Variants in RIPOR2 observed in about 807,000 individuals in gnomAD.
RIPOR2 encodes the protein RHO family interacting cell polarization regulator 2.
In RIPOR2, 39 loss-of-function variants were observed where a neutral mutation model predicts 114.5. That is an observed-to-expected ratio of 0.34 (90% CI 0.26 to 0.44). The LOEUF is 0.44. RIPOR2 is among the 20% of genes least tolerant of loss of function. The pLI, the probability that RIPOR2 is intolerant of heterozygous loss-of-function variation, is 1.00. For missense variants in RIPOR2, 1,007 were observed against 1,255.1 expected, an observed-to-expected ratio of 0.80 and a Z score of 2.99; for synonymous variants, 445 against 484.4, an observed-to-expected ratio of 0.92 and a Z score of 1.07.
At chr6:24,834,965 C>T (rs1025063256) in intron 15 of RIPOR2, among the ~76,000 whole-genome samples, 4 of 152,186 alleles carry the variant, frequency 2.6e-5, no homozygotes, top group Admixed American at 6.5e-5. Flanking sequence ...TCCTGTTCCA[C>T]ATACACCCAA....
intron 8 of RIPOR2, among the ~76,000 whole-genome samples, chr6:24,857,081 T>C (rs958603012): frequency 6.6e-6 from 1 of 152,206 alleles, no homozygotes; most frequent in African/African-American, 2.4e-5. Context: ...AATGGCACTA[T>C]CCAGGCACAA....
intron 1 of RIPOR2, among the ~76,000 whole-genome samples, chr6:24,983,428 T>C (rs1340414929): frequency 1.3e-5 from 2 of 152,078 alleles, no homozygotes; most frequent in Non-Finnish European, 2.9e-5. Flanking sequence ...CAGCTAGTTG[T>C]CCCCCAGTAC....
intron 1 of RIPOR2, among the ~76,000 whole-genome samples, chr6:24,956,568 T>G (rs1773053433): frequency 6.6e-6 from 1 of 152,188 alleles, no homozygotes; most frequent in Non-Finnish European, 1.5e-5. Flanking sequence ...ACACGCTAGG[T>G]AGTTGTAATT....
intron 3 of RIPOR2, 146 bp downstream of exon 3, chr6:24,873,498 G>T (rs45617645): frequency 0.012 from 8,178 of 695,842 alleles, 104 homozygotes; most frequent in African/African-American, 0.044. Flanking sequence ...CCATCTCTGG[G>T]ACTTATGTCA....
At chr6:24,908,926 T>A (rs1312452559) in intron 1 of RIPOR2, among the ~76,000 whole-genome samples, 2 of 152,214 alleles carry the variant, frequency 1.3e-5, no homozygotes, top group Admixed American at 6.5e-5. Context: ...AGCTTGGTAT[T>A]TCTTTTTATT....
In RIPOR2 at chr6:24,877,254, A is replaced by G. The variant is rs76027911; in HGVS notation, c.62-1437T>C. 1.9e-3 allele frequency: 1,828 copies of G among 985,378 alleles called. 11 individuals are homozygous for G. The African/African-American group carries it at 0.028, about 15-fold the overall frequency. 61.0% of individuals were successfully genotyped at this position (985,378 alleles called of 1,614,324 possible). ...TTGAGCGAGTTACTTCCCCAGAGAG[A>G]GAAGGACAAACAGCCTCCTCCCCCA... On this transcript the variant is annotated intron_variant, in intron 1 of 21. Coordinates refer to ENST00000643898, the MANE Select transcript of RIPOR2 (RefSeq NM_001286445.3).
intron 1 of RIPOR2, among the ~76,000 whole-genome samples, chr6:24,917,049 C>T (rs911168953): frequency 6.6e-6 from 1 of 152,112 alleles, no homozygotes; most frequent in Admixed American, 6.6e-5. Flanking sequence ...TTGGATTTCT[C>T]ATATATTATT....
chr6:24,970,538 C>A (rs1167361080), intron 1 of RIPOR2, among the ~76,000 whole-genome samples: 4 of 152,170 alleles, frequency 2.6e-5, no homozygotes, highest in African/African-American at 9.7e-5. Flanking sequence ...TCAGGAGGAA[C>A]CCGAGAATAC....
intron 4 of RIPOR2, among the ~76,000 whole-genome samples, chr6:24,871,291 G>T (rs1336463831): frequency 2.6e-5 from 4 of 152,078 alleles, no homozygotes; most frequent in Non-Finnish European, 5.9e-5. Context: ...ACATAGCAGT[G>T]GCATATGTGT....
intron 1 of RIPOR2, among the ~76,000 whole-genome samples, chr6:25,007,591 T>C (rs1242711545): frequency 6.6e-6 from 1 of 152,128 alleles, no homozygotes; most frequent in Admixed American, 6.5e-5. Context: ...TGTTACTTCA[T>C]TTTCCTTTGG....
At chr6:24,980,390 C>T (rs1359999754) in intron 1 of RIPOR2, among the ~76,000 whole-genome samples, 2 of 152,178 alleles carry the variant, frequency 1.3e-5, no homozygotes, top group Non-Finnish European at 2.9e-5. Flanking sequence ...AATCAAGACA[C>T]CTGGTCATCT....
chr6:24,909,112 G>C (rs549342068), intron 1 of RIPOR2, among the ~76,000 whole-genome samples: 4 of 152,246 alleles, frequency 2.6e-5, no homozygotes, highest in Admixed American at 2.6e-4. Flanking sequence ...TTTTGGACAG[G>C]CAGATGCATT....
At chr6:25,031,702 TATATATATATATATA>T (rs1776956587) in intron 1 of RIPOR2, among the ~76,000 whole-genome samples, 2 of 1,402 alleles carry the variant, frequency 1.4e-3, no homozygotes, top group South Asian at 0.018. Context: ...GTGGTAGTTA[TATATATATATATATA>T]TATATATATA....
In RIPOR2 at chr6:24,877,357, G is replaced by A. The variant is rs932063225; in HGVS notation, c.62-1540C>T. On this transcript the variant is annotated intron_variant, in intron 1 of 21. Coordinates refer to ENST00000643898, the MANE Select transcript of RIPOR2 (RefSeq NM_001286445.3). ...CTGGAGTTTGTATGCATTCTTGCGAGGTACAGGTGCTGACTCACTTGGCTA... is the reference window on the plus strand; with the variant it reads ...CTGGAGTTTGTATGCATTCTTGCGAAGTACAGGTGCTGACTCACTTGGCTA... 7 of 985,276 alleles carry A rather than the reference G, an allele frequency of 7.1e-6. No homozygotes were observed. In the African/African-American group the frequency reaches 8.7e-5, roughly 12 times the overall value. The allele number at this position is 985,276 out of a possible 1,614,324, so 61.0% of individuals were successfully genotyped here. A position where few individuals can be genotyped will look rare whatever the true frequency, so the allele number is the denominator to read the frequency against.
At chr6:24,872,272 C>T (rs1168342281) in intron 4 of RIPOR2, among the ~76,000 whole-genome samples, 1 of 152,208 alleles carries the variant, frequency 6.6e-6, no homozygotes, top group African/African-American at 2.4e-5. Flanking sequence ...CTTAACTTCT[C>T]ATGGTGGTTA....
intron 1 of RIPOR2, among the ~76,000 whole-genome samples, chr6:24,927,131 T>C (rs1561782369): frequency 4.1e-3 from 4 of 970 alleles, no homozygotes; most frequent in Admixed American, 0.01. Context: ...AATCATCATC[T>C]CACTACCACC....
intron 1 of RIPOR2, among the ~76,000 whole-genome samples, chr6:24,999,863 A>G (rs533135616): frequency 6.6e-6 from 1 of 152,172 alleles, no homozygotes; most frequent in South Asian, 2.1e-4. Context: ...GCCCTGACTC[A>G]TCCTTGAATT....
intron 1 of RIPOR2, among the ~76,000 whole-genome samples, chr6:24,986,036 G>A (rs1290495084): frequency 6.6e-6 from 1 of 152,190 alleles, no homozygotes. Flanking sequence ...TAAGGACCTA[G>A]GGAAGCACTG....
intron 1 of RIPOR2, among the ~76,000 whole-genome samples, chr6:24,876,061 C>T (rs184069906): frequency 1.3e-5 from 2 of 152,188 alleles, no homozygotes; most frequent in African/African-American, 4.8e-5. Context: ...GAGGCCGAGG[C>T]AGGTGGATCA....
Sources: gnomAD v4.1 joint callset for allele counts (sites outside exome capture counted in the v4.1 genomes callset) on GRCh38, gnomAD v4.1.1 for gene constraint, MANE v1.5 for transcripts, NCBI Gene and HGNC (gene_info 2026-07-23, HGNC 2026-07-21) for gene names.